Variants in ARL8B observed in about 807,000 individuals in gnomAD.
ARL8B encodes the protein ADP-ribosylation factor-like protein 8B.
Under a neutral mutation model 30.6 loss-of-function variants are expected in ARL8B, and 9 were observed. The observed-to-expected ratio is 0.29, with a 90% CI of 0.18 to 0.51. ARL8B has a LOEUF of 0.51. ARL8B is among the 20% of genes least tolerant of loss of function. ARL8B has a pLI of 0.97. For missense variants in ARL8B, 130 were observed against 227.2 expected (o/e 0.57, Z 2.75); for synonymous variants, 74 against 76.0 (o/e 0.97, Z 0.14).
At chr3:5,140,410 C>T (rs1234834724) in intron 1 of ARL8B, among the ~76,000 whole-genome samples, 1 of 152,160 alleles carries the variant, frequency 6.6e-6, no homozygotes, top group Non-Finnish European at 1.5e-5. Flanking sequence ...TAAGAAGCCC[C>T]TTTACTCTTT....
In ARL8B at chr3:5,173,561, C is replaced by G. The variant is rs142132938; in HGVS notation, c.373-456C>G. On this transcript the variant is annotated intron_variant, in intron 4 of 6. Coordinates refer to ENST00000256496, the MANE Select transcript of ARL8B (RefSeq NM_018184.3). Reference sequence around the variant, plus strand: ...ACCATCCTGGCTAACGCGGTGAAACCCCGTCTCTACTACAAAAAATCAGCT... The same window carrying G: ...ACCATCCTGGCTAACGCGGTGAAACGCCGTCTCTACTACAAAAAATCAGCT... Among the ~76,000 whole-genome samples the G allele has an allele frequency of 9.1e-3, 1,388 of 152,132 alleles. 20 individuals carry two copies. The highest frequency in any genetic ancestry group is 0.031 in the African/African-American group (1,292 of 41,512).
chr3:5,152,643 A>G (rs1402842228), intron 1 of ARL8B, among the ~76,000 whole-genome samples: 2 of 152,202 alleles, frequency 1.3e-5, no homozygotes, highest in Non-Finnish European at 2.9e-5. Context: ...GTGCCGCCAC[A>G]CCTAGCTAAT....
chr3:5,132,480 C>A (rs996535282), intron 1 of ARL8B, among the ~76,000 whole-genome samples: 4 of 152,116 alleles, frequency 2.6e-5, no homozygotes, highest in Admixed American at 6.5e-5. Flanking sequence ...CTTAGGTGAT[C>A]CACCTGCTTC....
chr3:5,155,716 A>G (rs1488473099), intron 1 of ARL8B, among the ~76,000 whole-genome samples: 4 of 127,482 alleles, frequency 3.1e-5, no homozygotes, highest in Non-Finnish European at 6.3e-5. Flanking sequence ...CCTCTAGTAA[A>G]TTTTGCATTT....
intron 1 of ARL8B, among the ~76,000 whole-genome samples, chr3:5,140,558 GT>G (rs4054878): frequency 3.6e-4 from 52 of 144,318 alleles, no homozygotes; most frequent in South Asian, 8.9e-4. Context: ...CACCTTCTTG[GT>G]TTTTTTTTTT....
intron 4 of ARL8B, among the ~76,000 whole-genome samples, chr3:5,173,063 T>C (rs1046923636): frequency 6.6e-6 from 1 of 152,176 alleles, no homozygotes; most frequent in Non-Finnish European, 1.5e-5. Flanking sequence ...CTGAAAACAC[T>C]TGAATAATGC....
chr3:5,150,112 G>A (rs1286705240), intron 1 of ARL8B, among the ~76,000 whole-genome samples: 2 of 152,182 alleles, frequency 1.3e-5, no homozygotes, highest in Non-Finnish European at 2.9e-5. Flanking sequence ...GTTTGGAAGT[G>A]TTCGTGCCTC....
At chr3:5,157,271 G>T (rs2054541922) in intron 1 of ARL8B, among the ~76,000 whole-genome samples, 2 of 152,200 alleles carry the variant, frequency 1.3e-5, no homozygotes, top group African/African-American at 4.8e-5. Context: ...AGATCCATAT[G>T]TCACAGCTTG....
At chr3:5,136,412 G>T (rs1016815441) in intron 1 of ARL8B, among the ~76,000 whole-genome samples, 9 of 152,296 alleles carry the variant, frequency 5.9e-5, no homozygotes, top group South Asian at 4.1e-4. Flanking sequence ...AGGAATCTGG[G>T]TTCCATTTTT....
At chr3:5,142,053 C>T (rs898443512) in intron 1 of ARL8B, among the ~76,000 whole-genome samples, 1 of 152,270 alleles carries the variant, frequency 6.6e-6, no homozygotes, top group South Asian at 2.1e-4. Flanking sequence ...TCTCTGCTTT[C>T]AGTGGCCGTG....
chr3:5,178,613 G>T, intron 6 of ARL8B, 51 bp from the exon 7 acceptor site: 1 of 1,550,666 alleles, frequency 6.4e-7, no homozygotes, highest in Admixed American at 1.8e-5. Flanking sequence ...GTCTCTGTTT[G>T]ATGTTTAGTT....
chr3:5,174,131 T>C lies in ARL8B; in HGVS notation c.440+47T>C, dbSNP rs756304631. ...TTAATAATTTGCTTCTAAATTACCA[T>C]ATTTTGCCCACTTGTTATGTTATTC... On this transcript the variant is annotated intron_variant, in intron 5 of 6. Coordinates refer to ENST00000256496, the MANE Select transcript of ARL8B (RefSeq NM_018184.3). 2.0e-5 allele frequency: 30 copies of C among 1,511,786 alleles called. No homozygotes were observed. In the Middle Eastern group the frequency reaches 6.8e-4, roughly 34 times the overall value. 93.6% of individuals were successfully genotyped at this position (1,511,786 alleles called of 1,614,324 possible).
Position 5,155,904 on chromosome 3 carries a change from G to C in ARL8B, c.124-14599G>C, listed in dbSNP as rs187447370. Reference sequence around the variant, plus strand: ...TAAGATAATTTTTGTGTGTGTGTGTGTGTTGTTTTTGTTTTTGAGACAGGG... The same window carrying C: ...TAAGATAATTTTTGTGTGTGTGTGTCTGTTGTTTTTGTTTTTGAGACAGGG... On this transcript the variant is annotated intron_variant, in intron 1 of 6. Coordinates refer to ENST00000256496, the MANE Select transcript of ARL8B (RefSeq NM_018184.3). Among the ~76,000 whole-genome samples, 56 of 149,866 alleles carry C rather than the reference G, an allele frequency of 3.7e-4. No individual in the cohort carries two copies. In the East Asian group the frequency reaches 6.6e-3, roughly 18 times the overall value.
At chr3:5,130,133 G>T (rs1422107245) in intron 1 of ARL8B, among the ~76,000 whole-genome samples, 1 of 152,038 alleles carries the variant, frequency 6.6e-6, no homozygotes, top group Non-Finnish European at 1.5e-5. Context: ...CAAAGTACTG[G>T]GATTACAGGC....
chr3:5,141,676 G>A (rs138317347), intron 1 of ARL8B, among the ~76,000 whole-genome samples: 2 of 152,102 alleles, frequency 1.3e-5, no homozygotes, highest in African/African-American at 2.4e-5. Context: ...TAAAGCTTTT[G>A]TGATGGTCCC....
intron 1 of ARL8B, among the ~76,000 whole-genome samples, chr3:5,129,207 T>A (rs2054259806): frequency 6.6e-6 from 1 of 151,986 alleles, no homozygotes; most frequent in Admixed American, 6.6e-5. Flanking sequence ...AGAGTCTCGC[T>A]CTTGTTGCCC....
chr3:5,178,476 G>A (rs768488805), intron 6 of ARL8B, among the ~76,000 whole-genome samples, 188 bp from the exon 7 acceptor site: 1 of 150,674 alleles, frequency 6.6e-6, no homozygotes, highest in Non-Finnish European at 1.5e-5. Flanking sequence ...ATCAGAAAAC[G>A]CTTCAGTCTC....
At chr3:5,161,790 A>C (rs1351451058) in intron 1 of ARL8B, among the ~76,000 whole-genome samples, 1 of 152,224 alleles carries the variant, frequency 6.6e-6, no homozygotes, top group East Asian at 1.9e-4. Context: ...GATTTAAGTT[A>C]GTCCTTAGGG....
At position 5,122,437 on chromosome 3, in the gene ARL8B, C is replaced by T. The variant is rs1235615876; in HGVS notation, c.-29C>T. 12 of 1,611,268 alleles carry T rather than the reference C, an allele frequency of 7.4e-6. No homozygotes were observed. Among genetic ancestry groups the T allele is most frequent in the Non-Finnish European group, 1.0e-5 (12 of 1,179,328 alleles). ...GTCGACGCCGCCGCTCGTCCGTCCT[C>T]CCGTCCGTTCTCGCTCCCGGCCGCC... On this transcript the variant is annotated 5_prime_UTR_variant, in exon 1 of 7. Coordinates refer to ENST00000256496, the MANE Select transcript of ARL8B (RefSeq NM_018184.3).
Sources: allele counts gnomAD v4.1 joint callset (sites outside exome capture counted in the v4.1 genomes callset), GRCh38; gene constraint gnomAD v4.1.1; transcripts MANE v1.5; gene names NCBI Gene and HGNC (gene_info 2026-07-23, HGNC 2026-07-21).